MYRFL: variants seen among roughly 807,000 people sequenced by gnomAD.
MYRFL encodes myelin regulatory factor like.
Under a neutral mutation model 109.4 loss-of-function variants are expected in MYRFL, and 88 were observed. That is an observed-to-expected ratio of 0.80 (90% confidence interval 0.68 to 0.96). The LOEUF (loss-of-function observed/expected upper bound fraction) is 0.96. Among genes scored for constraint, MYRFL ranks in the 40% least tolerant of loss-of-function variants. The pLI is 0.00. For missense variants in MYRFL, 957 were observed against 954.9 expected (o/e 1.00, Z -0.03); for synonymous variants, 324 against 320.9 (o/e 1.01, Z -0.10).
In MYRFL at chr12:69,957,925, TCCCAGGAGATGAC is replaced by T. The variant is rs1956130848; in HGVS notation, c.2555_2567del (p.Ser852TyrfsTer12). On this transcript the variant is annotated frameshift_variant, in exon 23 of 25. Coordinates refer to ENST00000552032, the MANE Select transcript of MYRFL (RefSeq NM_182530.3). LOFTEE classifies it high-confidence loss of function. ...AGGGCTGGAAAGCCACAGAGAAATCTCCCAGGAGATGACACAGGTAATGTTTTCTGCCTCCTCT... is the reference window on the plus strand; with the variant it reads ...AGGGCTGGAAAGCCACAGAGAAATCTACAGGTAATGTTTTCTGCCTCCTCT... 9 of 1,533,760 alleles carry T rather than the reference TCCCAGGAGATGAC, an allele frequency of 5.9e-6. No homozygotes were observed. Among genetic ancestry groups the T allele is most frequent in the Non-Finnish European group, 7.9e-6 (9 of 1,145,102 alleles).
chr12:69,870,531 G>A (rs144230912), intron 2 of MYRFL, among the ~76,000 whole-genome samples: 10 of 152,252 alleles, frequency 6.6e-5, no homozygotes, highest in Middle Eastern at 3.4e-3. Context: ...TTGACATGAC[G>A]ATTGTGAGTA....
At chr12:69,927,770 GA>G in intron 15 of MYRFL, 22 bp downstream of exon 15, 1 of 1,508,370 alleles carries the variant, frequency 6.6e-7, no homozygotes. Flanking sequence ...CATTTACAAT[GA>G]AAGGAAATGA....
intron 19 of MYRFL, among the ~76,000 whole-genome samples, chr12:69,937,222 C>A (rs1221639549): frequency 1.3e-5 from 2 of 152,048 alleles, no homozygotes; most frequent in African/African-American, 4.8e-5. Flanking sequence ...CAAGTGTAAT[C>A]ATATCCATAA....
intron 2 of MYRFL, among the ~76,000 whole-genome samples, chr12:69,870,294 T>G (rs1885279285): frequency 6.8e-6 from 1 of 147,838 alleles, no homozygotes; most frequent in Non-Finnish European, 1.5e-5. Flanking sequence ...GCCAGGCTGG[T>G]CTTAAACTCC....
chr12:69,846,417 C>T (rs998405047), intron 1 of MYRFL, among the ~76,000 whole-genome samples: 2 of 150,222 alleles, frequency 1.3e-5, no homozygotes, highest in African/African-American at 4.9e-5. Flanking sequence ...TCAATTCCCA[C>T]CTATGAGTGA....
intron 15 of MYRFL, among the ~76,000 whole-genome samples, chr12:69,931,315 G>A (rs529430408): frequency 7.2e-5 from 11 of 152,172 alleles, no homozygotes; most frequent in South Asian, 4.2e-4. Flanking sequence ...CTATTAAGAC[G>A]TCCTCCGAAC....
At chr12:69,952,248 T>C in intron 20 of MYRFL, 73 bp downstream of exon 20, 6 of 1,356,384 alleles carry the variant, frequency 4.4e-6, no homozygotes, top group Non-Finnish European at 6.1e-6. Flanking sequence ...GTAAAAGCAT[T>C]GCTGGAGTGA....
intron 1 of MYRFL, among the ~76,000 whole-genome samples, chr12:69,826,410 A>G (rs1156366666): frequency 6.6e-6 from 1 of 152,108 alleles, no homozygotes; most frequent in Admixed American, 6.6e-5. Flanking sequence ...ATTTTATATC[A>G]TATATAATTT....
At chr12:69,921,158 G>T (rs548561202) in intron 13 of MYRFL, among the ~76,000 whole-genome samples, 6 of 152,274 alleles carry the variant, frequency 3.9e-5, no homozygotes, top group Admixed American at 2.0e-4. Flanking sequence ...GGCATCAAAT[G>T]GGGAGACTTT....
intron 5 of MYRFL, among the ~76,000 whole-genome samples, chr12:69,886,581 T>C (rs1285094902): frequency 2.6e-5 from 4 of 152,140 alleles, no homozygotes; most frequent in South Asian, 4.1e-4. Flanking sequence ...GGTAGATAGA[T>C]ATCAGGGACA....
intron 16 of MYRFL, among the ~76,000 whole-genome samples, chr12:69,934,580 A>T (rs1456385307): frequency 6.6e-6 from 1 of 152,184 alleles, no homozygotes; most frequent in Admixed American, 6.5e-5. Flanking sequence ...TCTGAGAAGA[A>T]TGAGGTCACA....
chr12:69,843,954 G>A (rs1284824851), intron 1 of MYRFL, among the ~76,000 whole-genome samples: 1 of 152,196 alleles, frequency 6.6e-6, no homozygotes, highest in Admixed American at 6.5e-5. Context: ...ATGGGGGATA[G>A]GATGCTTAAG....
chr12:69,914,543 C>A (rs549702386), intron 13 of MYRFL, among the ~76,000 whole-genome samples: 2 of 152,234 alleles, frequency 1.3e-5, no homozygotes, highest in East Asian at 3.9e-4. Flanking sequence ...CCTGTGGCAG[C>A]CAAATAATTA....
intron 11 of MYRFL, among the ~76,000 whole-genome samples, chr12:69,909,399 T>C (rs1954479014): frequency 6.6e-6 from 1 of 152,214 alleles, no homozygotes; most frequent in Non-Finnish European, 1.5e-5. Flanking sequence ...TTGGTTCCTC[T>C]ATCACATGGA....
chr12:69,855,155 C>T (rs1446005285), intron 1 of MYRFL, 125 bp from the exon 2 acceptor site: 2 of 501,620 alleles, frequency 4.0e-6, no homozygotes, highest in African/African-American at 3.8e-5. Flanking sequence ...CTCTTCCATG[C>T]TGTTGATCCT....
chr12:69,854,848 C>T (rs771994691), intron 1 of MYRFL, among the ~76,000 whole-genome samples: 16 of 152,140 alleles, frequency 1.1e-4, no homozygotes, highest in Non-Finnish European at 1.9e-4. Context: ...TGTATAGCGT[C>T]ATGTTATCTG....
intron 19 of MYRFL, among the ~76,000 whole-genome samples, chr12:69,946,276 C>G (rs1308706396): frequency 6.6e-6 from 1 of 152,108 alleles, no homozygotes; most frequent in Admixed American, 6.6e-5. Context: ...TCTTTGACTA[C>G]AAATGAAATT....
At chr12:69,909,733 C>T (rs573519057) in intron 11 of MYRFL, among the ~76,000 whole-genome samples, 6 of 152,184 alleles carry the variant, frequency 3.9e-5, no homozygotes, top group South Asian at 2.1e-4. Context: ...AGTGATTGCA[C>T]GTAGAGGATG....
Position 69,885,731 on chromosome 12 carries a change from A to T in MYRFL, c.557-1089A>T, listed in dbSNP as rs192702741. On this transcript the variant is annotated intron_variant, in intron 5 of 24. Transcript: ENST00000552032. ...GATTATGCAAAATAGGAGGTTGCAC[A>T]TGTGAAATTGCTGTTATTTGACCAT... is the stretch of plus-strand genomic sequence containing the variant. Among the ~76,000 whole-genome samples the T allele has an allele frequency of 5.3e-5, 8 of 152,318 alleles. No individual in the cohort carries two copies. In the East Asian group the frequency reaches 1.5e-3, roughly 29 times the overall value.
Sources: gnomAD v4.1 joint callset for allele counts (sites outside exome capture counted in the v4.1 genomes callset) on GRCh38, gnomAD v4.1.1 for gene constraint, MANE v1.5 for transcripts, NCBI Gene and HGNC (gene_info 2026-07-23, HGNC 2026-07-21) for gene names.